OTUD7A: variants seen among roughly 807,000 people sequenced by gnomAD.
OTUD7A encodes the protein OTU deubiquitinase 7A.
OTUD7A carries 12 observed loss-of-function variants against 65.7 expected under a neutral mutation model. That is an observed-to-expected ratio of 0.18 (90% CI 0.12 to 0.30). OTUD7A has a LOEUF of 0.30. Among genes scored for constraint, OTUD7A ranks in the 10% least tolerant of loss-of-function variants. OTUD7A has a pLI of 1.00. For synonymous variants in OTUD7A, 641 were observed against 586.3 expected (o/e 1.09, Z -1.35); for missense variants, 1,148 against 1,304.8 (o/e 0.88, Z 1.85).
intron 1 of OTUD7A, among the ~76,000 whole-genome samples, chr15:31,772,899 T>A (rs1196230883): frequency 6.6e-6 from 1 of 152,198 alleles, no homozygotes; most frequent in Non-Finnish European, 1.5e-5. Flanking sequence ...AGTTTGTATA[T>A]AATGTCAAGT....
intron 3 of OTUD7A, among the ~76,000 whole-genome samples, chr15:31,642,645 T>C (rs1891552562): frequency 6.6e-6 from 1 of 152,140 alleles, no homozygotes; most frequent in Admixed American, 6.5e-5. Flanking sequence ...AATTTGTGAA[T>C]TTCATTTAAC....
At position 31,484,007 on chromosome 15, in the gene OTUD7A, TGGCGGCGGCGGC is replaced by T. The variant is rs199744400; in HGVS notation, c.2077_2088del (p.Ala693_Ala696del). On this transcript the variant is annotated inframe_deletion, in exon 13 of 13. Coordinates refer to ENST00000307050, the MANE Select transcript of OTUD7A (RefSeq NM_001382637.1). The surrounding 1 kb of genome is among the most constrained non-coding windows in gnomAD (Gnocchi z 4.5). ...GGTCTGCGCGGCGGCCGCTTGGCCG[TGGCGGCGGCGGC>T]GGCGGCGGCAGCGGCGGCCGCAGTA... 1.2e-4 allele frequency: 135 copies of T among 1,171,292 alleles called. 1 individual carries two copies. Among genetic ancestry groups the T allele is most frequent in the Middle Eastern group, 2.9e-4 (1 of 3,410 alleles). 72.6% of individuals were successfully genotyped at this position (1,171,292 alleles called of 1,614,324 possible).
chr15:31,528,609 G>C (rs543726671), intron 6 of OTUD7A, among the ~76,000 whole-genome samples: 1 of 152,354 alleles, frequency 6.6e-6, no homozygotes, highest in South Asian at 2.1e-4. Flanking sequence ...GTCACTCCTC[G>C]CTCATCCTCA....
At chr15:31,559,631 T>C (rs1888622189) in intron 4 of OTUD7A, among the ~76,000 whole-genome samples, 2 of 152,120 alleles carry the variant, frequency 1.3e-5, no homozygotes, top group African/African-American at 4.8e-5. Flanking sequence ...TACACATACA[T>C]GCATGCAGAC....
At chr15:31,562,143 C>G (rs1888712141) in intron 4 of OTUD7A, among the ~76,000 whole-genome samples, 1 of 152,106 alleles carries the variant, frequency 6.6e-6, no homozygotes, top group African/African-American at 2.4e-5. Flanking sequence ...TTCTTATTTT[C>G]TTTGTTTTTG....
intron 3 of OTUD7A, among the ~76,000 whole-genome samples, chr15:31,587,553 ATTGC>A (rs1375544491): frequency 6.6e-6 from 1 of 151,672 alleles, no homozygotes; most frequent in Non-Finnish European, 1.5e-5. Flanking sequence ...AGGCAGGAGA[ATTGC>A]TTGAACCCAG....
chr15:31,502,156 A>G (rs2041478694), intron 9 of OTUD7A, among the ~76,000 whole-genome samples: 1 of 152,084 alleles, frequency 6.6e-6, no homozygotes, highest in African/African-American at 2.4e-5. Context: ...TTCCTTTCCT[A>G]GTGTTTGGTA....
Position 31,487,339 on chromosome 15 carries a change from A to G in OTUD7A, c.1287-61T>C. 2 of 1,591,016 alleles carry G rather than the reference A, an allele frequency of 1.3e-6. No individual in the cohort carries two copies. The highest frequency in any genetic ancestry group is 1.7e-5 in the Admixed American group (1 of 59,422). ...AGCTGGCCCTTATAGCACCCAGTCC[A>G]CTTGCATGCCAGCTGTCCCAGGAGG... On this transcript the variant is annotated intron_variant, in intron 11 of 12. Coordinates refer to ENST00000307050, the MANE Select transcript of OTUD7A (RefSeq NM_001382637.1). The surrounding 1 kb of genome is among the most constrained non-coding windows in gnomAD (Gnocchi z 6.0).
chr15:31,769,726 A>G (rs139780104), intron 1 of OTUD7A, among the ~76,000 whole-genome samples: 7 of 152,346 alleles, frequency 4.6e-5, no homozygotes, highest in African/African-American at 1.4e-4. Flanking sequence ...TACATAGCAT[A>G]TGATTCCATT....
At chr15:31,502,801 C>T (rs1040291415) in intron 9 of OTUD7A, among the ~76,000 whole-genome samples, 2 of 152,182 alleles carry the variant, frequency 1.3e-5, no homozygotes, top group Admixed American at 6.5e-5. Flanking sequence ...TCAGCAGGCC[C>T]GCGTCCCTGA....
chr15:31,725,226 G>A (rs1190107306), intron 1 of OTUD7A, among the ~76,000 whole-genome samples: 5 of 152,188 alleles, frequency 3.3e-5, no homozygotes, highest in East Asian at 1.9e-4. Flanking sequence ...CTGCCCTGCT[G>A]GGAAACTGAA....
At chr15:31,623,944 T>C (rs1178668753) in intron 3 of OTUD7A, among the ~76,000 whole-genome samples, 1 of 152,250 alleles carries the variant, frequency 6.6e-6, no homozygotes, top group East Asian at 1.9e-4. Context: ...TTTGCACTGA[T>C]GCTACATTTT....
chr15:31,638,934 A>G (rs2141259331), intron 3 of OTUD7A, among the ~76,000 whole-genome samples: 1 of 152,220 alleles, frequency 6.6e-6, no homozygotes, highest in African/African-American at 2.4e-5. Context: ...GGAGATCGAG[A>G]CCATCCCGGC....
At chr15:31,622,123 C>G (rs560798506) in intron 3 of OTUD7A, among the ~76,000 whole-genome samples, 1 of 152,120 alleles carries the variant, frequency 6.6e-6, no homozygotes, top group Non-Finnish European at 1.5e-5. Context: ...GAGTTTCTGC[C>G]GAGAGATCAG....
At chr15:31,566,062 G>T (rs1888860440) in intron 4 of OTUD7A, among the ~76,000 whole-genome samples, 1 of 151,976 alleles carries the variant, frequency 6.6e-6, no homozygotes, top group Non-Finnish European at 1.5e-5. Flanking sequence ...CGTGGTGGCG[G>T]GTGCCTGTGT....
intron 1 of OTUD7A, among the ~76,000 whole-genome samples, chr15:31,830,560 G>C (rs1052635395): frequency 6.6e-6 from 1 of 152,210 alleles, no homozygotes; most frequent in African/African-American, 2.4e-5. Context: ...GTCAACACTG[G>C]AACTAAGCAA....
At chr15:31,518,360 C>G (rs113473741) in intron 8 of OTUD7A, among the ~76,000 whole-genome samples, 67 of 152,204 alleles carry the variant, frequency 4.4e-4, no homozygotes, top group African/African-American at 1.6e-3. Flanking sequence ...GTAGTCCCAG[C>G]TACTCGGGAG....
intron 10 of OTUD7A, among the ~76,000 whole-genome samples, chr15:31,489,843 T>G (rs1321146035): frequency 6.6e-6 from 1 of 152,224 alleles, no homozygotes; most frequent in East Asian, 1.9e-4. Flanking sequence ...CTCCTTGGGC[T>G]GCCCAGGGCT....
chr15:31,573,133 A>G (rs1291429997), intron 3 of OTUD7A, among the ~76,000 whole-genome samples: 2 of 152,174 alleles, frequency 1.3e-5, no homozygotes, highest in Non-Finnish European at 2.9e-5. Flanking sequence ...GTAAGCAAAA[A>G]AGAAAGAAAA....
Sources: allele counts gnomAD v4.1 joint callset (sites outside exome capture counted in the v4.1 genomes callset), GRCh38; gene constraint gnomAD v4.1.1; non-coding constraint Gnocchi (gnomAD v3.1); transcripts MANE v1.5; gene names NCBI Gene and HGNC (gene_info 2026-07-23, HGNC 2026-07-21).